Variants in UNC5D observed in about 807,000 individuals in gnomAD.
The protein encoded by UNC5D is netrin receptor UNC5D.
Under a neutral mutation model 105.4 loss-of-function variants are expected in UNC5D, and 39 were observed. The observed-to-expected ratio is 0.37, with a 90% CI of 0.29 to 0.48. The LOEUF is 0.48. Ranked by LOEUF, UNC5D falls within the 20% of genes least tolerant of loss-of-function variation. UNC5D has a pLI of 0.98. For synonymous variants in UNC5D, 452 were observed against 450.4 expected (o/e 1.00, Z -0.04); for missense variants, 991 against 1,202.4 (o/e 0.82, Z 2.60).
chr8:35,238,237 CTTT>C (rs959941839), intron 1 of UNC5D, among the ~76,000 whole-genome samples: 1 of 150,396 alleles, frequency 6.6e-6, no homozygotes, highest in African/African-American at 2.4e-5. Flanking sequence ...ATTGCACCAA[CTTT>C]TTTTTTTCTT....
intron 1 of UNC5D, among the ~76,000 whole-genome samples, chr8:35,294,960 C>G (rs1165235528): frequency 6.6e-6 from 1 of 152,078 alleles, no homozygotes; most frequent in Non-Finnish European, 1.5e-5. Context: ...TGGGAGGTCA[C>G]TTTGTACTGT....
intron 1 of UNC5D, among the ~76,000 whole-genome samples, chr8:35,493,281 C>CAAAAAAAAA (rs35199794): frequency 8.9e-5 from 6 of 67,158 alleles, no homozygotes; most frequent in African/African-American, 1.6e-4. Context: ...AGTCTGTGAC[C>CAAAAAAAAA]AAAAAAAAAA....
chr8:35,534,828 A>G (rs1020551947), intron 1 of UNC5D, among the ~76,000 whole-genome samples: 8 of 152,130 alleles, frequency 5.3e-5, no homozygotes, highest in South Asian at 4.1e-4. Flanking sequence ...AAATATATAC[A>G]TATATATAGT....
intron 4 of UNC5D, among the ~76,000 whole-genome samples, chr8:35,642,883 A>C (rs888146340): frequency 6.6e-6 from 1 of 152,088 alleles, no homozygotes; most frequent in Non-Finnish European, 1.5e-5. Context: ...TTTTAGTTAC[A>C]AGATTGTTTT....
chr8:35,489,164 A>G (rs759618065), intron 1 of UNC5D, among the ~76,000 whole-genome samples: 2 of 151,930 alleles, frequency 1.3e-5, no homozygotes, highest in African/African-American at 4.8e-5. Flanking sequence ...GTGCTGCCAC[A>G]TCCCGGCTAA....
At chr8:35,511,096 A>G (rs2130352977) in intron 1 of UNC5D, among the ~76,000 whole-genome samples, 1 of 152,256 alleles carries the variant, frequency 6.6e-6, no homozygotes, top group South Asian at 2.1e-4. Flanking sequence ...TCCTCTTCAA[A>G]AGAGATTTCT....
At chr8:35,480,348 A>G (rs552543689) in intron 1 of UNC5D, among the ~76,000 whole-genome samples, 4 of 152,298 alleles carry the variant, frequency 2.6e-5, no homozygotes, top group Admixed American at 2.0e-4. Context: ...CCATGATACA[A>G]TCTGGTCTAT....
At chr8:35,259,529 T>C (rs927073646) in intron 1 of UNC5D, among the ~76,000 whole-genome samples, 1 of 152,192 alleles carries the variant, frequency 6.6e-6, no homozygotes, top group Non-Finnish European at 1.5e-5. Flanking sequence ...TTACTCTAGA[T>C]GCAGTAACTA....
chr8:35,353,410 C>T (rs911718981), intron 1 of UNC5D, among the ~76,000 whole-genome samples: 4 of 152,124 alleles, frequency 2.6e-5, no homozygotes, highest in South Asian at 2.1e-4. Context: ...ATACTGTTGT[C>T]GTGTCGGTGG....
intron 4 of UNC5D, among the ~76,000 whole-genome samples, chr8:35,607,775 C>T (rs1820403927): frequency 6.6e-6 from 1 of 152,122 alleles, no homozygotes; most frequent in Admixed American, 6.6e-5. Context: ...TACCTTGCTT[C>T]CCCTTCTTCC....
At chr8:35,450,030 G>A (rs551055222) in intron 1 of UNC5D, among the ~76,000 whole-genome samples, 3 of 152,120 alleles carry the variant, frequency 2.0e-5, no homozygotes, top group East Asian at 1.9e-4. Flanking sequence ...CCACACTCTA[G>A]TCTGTATATT....
In UNC5D at chr8:35,790,579, G is replaced by A. The variant is rs1802993561; in HGVS notation, c.*16G>A. 5 of 1,613,238 alleles carry A rather than the reference G, an allele frequency of 3.1e-6. No homozygotes were observed. The highest frequency in any genetic ancestry group is 4.2e-6 in the Non-Finnish European group (5 of 1,179,646). On this transcript the variant is annotated 3_prime_UTR_variant, in exon 17 of 17. Transcript: ENST00000404895. ...TGGACTCTAGTCCACTTCCTCCCATGAGACAGAGTGATGGCCAGCTTGGGG... is the reference window on the plus strand; with the variant it reads ...TGGACTCTAGTCCACTTCCTCCCATAAGACAGAGTGATGGCCAGCTTGGGG...
chr8:35,665,989 TTTTCCTTCTTGAATGGATTATTAGGGATA>T (rs1563646393), intron 4 of UNC5D, among the ~76,000 whole-genome samples: 8 of 152,008 alleles, frequency 5.3e-5, no homozygotes, highest in South Asian at 2.1e-4. Flanking sequence ...TTGATCATGG[TTTTCCTTCTTGAATGGATTATTAGGGATA>T]TTTCCTTCTT....
intron 1 of UNC5D, among the ~76,000 whole-genome samples, chr8:35,533,048 G>A (rs1366938689): frequency 3.3e-5 from 5 of 150,366 alleles, no homozygotes; most frequent in Admixed American, 1.3e-4. Flanking sequence ...CTCTCAGTTC[G>A]TCAAAGTCAT....
intron 1 of UNC5D, among the ~76,000 whole-genome samples, chr8:35,505,751 C>T (rs538640364): frequency 1.1e-4 from 16 of 152,162 alleles, no homozygotes; most frequent in Admixed American, 5.2e-4. Flanking sequence ...ATTTTTAAAC[C>T]GAAGCCTATT....
intron 1 of UNC5D, among the ~76,000 whole-genome samples, chr8:35,237,222 G>A (rs1490871047): frequency 1.8e-5 from 2 of 110,502 alleles, no homozygotes; most frequent in East Asian, 5.3e-4. Context: ...AGCGGGCTTT[G>A]TAAGAAGCAG....
At chr8:35,573,958 TG>T (rs1817925278) in intron 3 of UNC5D, among the ~76,000 whole-genome samples, 1 of 152,322 alleles carries the variant, frequency 6.6e-6, no homozygotes, top group Admixed American at 6.5e-5. Flanking sequence ...CCCACAAAAT[TG>T]GCAGAAGTCT....
At chr8:35,762,494 C>A (rs551740057) in intron 14 of UNC5D, among the ~76,000 whole-genome samples, 1 of 152,296 alleles carries the variant, frequency 6.6e-6, no homozygotes, top group East Asian at 1.9e-4. Context: ...CTGAGGCCCA[C>A]GATGCTAGTC....
In UNC5D at chr8:35,430,697, G is replaced by A. The variant is rs187855367; in HGVS notation, c.104-118595G>A. ...GAACTGATTGCTCACTTGGTGGGTG[G>A]GGGAAAAACCTCCACATATATATGG... On this transcript the variant is annotated intron_variant, in intron 1 of 16. Coordinates refer to ENST00000404895, the MANE Select transcript of UNC5D (RefSeq NM_080872.4). Among the ~76,000 whole-genome samples the A allele has an allele frequency of 3.9e-5, 6 of 152,178 alleles. No homozygotes were observed. In the East Asian group the frequency reaches 1.2e-3, roughly 29 times the overall value.
Sources: gnomAD v4.1 joint callset for allele counts (sites outside exome capture counted in the v4.1 genomes callset) on GRCh38, gnomAD v4.1.1 for gene constraint, MANE v1.5 for transcripts, NCBI Gene and HGNC (gene_info 2026-07-23, HGNC 2026-07-21) for gene names.